The following MGAT4C variants were observed in gnomAD, a reference collection of about 807,000 sequenced individuals.
The protein encoded by MGAT4C is MGAT4 family member C.
MGAT4C carries 19 observed loss-of-function variants against 40.1 expected under a neutral mutation model. That is an observed-to-expected ratio of 0.47 (90% CI 0.33 to 0.70). The LOEUF (loss-of-function observed/expected upper bound fraction) is 0.70. Ranked by LOEUF, MGAT4C falls within the 30% of genes least tolerant of loss-of-function variation. The probability of loss-of-function intolerance (pLI) is 0.02; values close to 1 mark genes in which losing one functional copy is unlikely to be tolerated. For missense variants in MGAT4C, 491 were observed against 563.2 expected, an observed-to-expected ratio of 0.87 and a Z score of 1.30; for synonymous variants, 181 against 187.1, an observed-to-expected ratio of 0.97 and a Z score of 0.27.
At chr12:86,400,623 G>C (rs1022613840) in intron 3 of MGAT4C, among the ~76,000 whole-genome samples, 5 of 152,140 alleles carry the variant, frequency 3.3e-5, no homozygotes, top group Non-Finnish European at 7.4e-5. Flanking sequence ...ATATAAACTT[G>C]AATGTAAACA....
At chr12:86,200,826 G>T (rs61948994) in intron 1 of MGAT4C, among the ~76,000 whole-genome samples, 12,671 of 152,180 alleles carry the variant, frequency 0.083, 630 homozygotes, top group Middle Eastern at 0.22. Context: ...GTTAAATCAG[G>T]TCATGAAAGT....
chr12:86,072,394 T>G (rs1406197443), intron 1 of MGAT4C, among the ~76,000 whole-genome samples: 1 of 151,664 alleles, frequency 6.6e-6, no homozygotes, highest in African/African-American at 2.4e-5. Context: ...TTTATTGTCA[T>G]CCACATGAAA....
At chr12:86,446,657 T>TCATATA (rs1957340510) in intron 2 of MGAT4C, among the ~76,000 whole-genome samples, 1 of 66,496 alleles carries the variant, frequency 1.5e-5, no homozygotes, top group Non-Finnish European at 3.2e-5. Context: ...ATCATGTAAC[T>TCATATA]CATATATATA....
chr12:86,731,471 T>C (rs186126248), intron 1 of MGAT4C, among the ~76,000 whole-genome samples: 2 of 152,258 alleles, frequency 1.3e-5, no homozygotes, highest in African/African-American at 2.4e-5. Context: ...AGCCATTCTC[T>C]TGAGTCTTTT....
At chr12:86,214,262 C>T (rs535932335) in intron 1 of MGAT4C, among the ~76,000 whole-genome samples, 20 of 152,272 alleles carry the variant, frequency 1.3e-4, no homozygotes. Context: ...GTGGGTCATT[C>T]TCTGCTCAGA....
intron 2 of MGAT4C, among the ~76,000 whole-genome samples, chr12:86,511,723 C>A (rs568624641): frequency 6.6e-6 from 1 of 152,168 alleles, no homozygotes; most frequent in Non-Finnish European, 1.5e-5. Flanking sequence ...GGAATTGTTT[C>A]TTGCACCGCA....
At chr12:86,543,532 G>A (rs1959178498) in intron 2 of MGAT4C, among the ~76,000 whole-genome samples, 1 of 151,898 alleles carries the variant, frequency 6.6e-6, no homozygotes, top group African/African-American at 2.4e-5. Flanking sequence ...TATCTACTAT[G>A]TTCCAGGTAT....
At chr12:86,206,561 TTTTC>T (rs1276753599) in intron 1 of MGAT4C, among the ~76,000 whole-genome samples, 1 of 152,112 alleles carries the variant, frequency 6.6e-6, no homozygotes, top group East Asian at 1.9e-4. Context: ...TTCCTTTCAC[TTTTC>T]TGTCTGTCAC....
intron 1 of MGAT4C, among the ~76,000 whole-genome samples, chr12:86,117,671 T>C (rs780286008): frequency 2.0e-5 from 3 of 152,188 alleles, no homozygotes; most frequent in Non-Finnish European, 2.9e-5. Context: ...AATGAGGCTA[T>C]TGGCATCATT....
intron 2 of MGAT4C, among the ~76,000 whole-genome samples, chr12:86,578,281 G>A (rs1014112411): frequency 6.6e-6 from 1 of 151,828 alleles, no homozygotes; most frequent in Admixed American, 6.6e-5. Context: ...GACATGTGGT[G>A]ACATCAGAAA....
chr12:86,014,761 A>C (rs2136835227), intron 2 of MGAT4C, among the ~76,000 whole-genome samples: 1 of 152,172 alleles, frequency 6.6e-6, no homozygotes, highest in Admixed American at 6.5e-5. Context: ...TCTGCATTTT[A>C]TGAAAAAAAT....
intron 2 of MGAT4C, among the ~76,000 whole-genome samples, chr12:86,494,879 A>G (rs1280790763): frequency 6.6e-6 from 1 of 152,096 alleles, no homozygotes; most frequent in Admixed American, 6.6e-5. Flanking sequence ...GGAAATTTAA[A>G]CAGAAATAGT....
At chr12:86,581,728 TAA>T (rs56363020) in intron 2 of MGAT4C, among the ~76,000 whole-genome samples, 128,630 of 151,210 alleles carry the variant, frequency 0.85, 55,251 homozygotes, top group South Asian at 0.96. Context: ...ATTTCTGGGA[TAA>T]GTTTTCTTGG....
intron 1 of MGAT4C, among the ~76,000 whole-genome samples, chr12:86,205,346 T>A (rs976877347): frequency 2.0e-5 from 3 of 151,640 alleles, no homozygotes; most frequent in Admixed American, 6.6e-5. Flanking sequence ...TTAAATTATT[T>A]ATTTTTTCAG....
At chr12:86,358,687 A>T in intron 3 of MGAT4C, among the ~76,000 whole-genome samples, 1 of 152,236 alleles carries the variant, frequency 6.6e-6, no homozygotes, top group Non-Finnish European at 1.5e-5. Flanking sequence ...CTAGTCTCTG[A>T]TGAAACAGAC....
Position 85,960,542 on chromosome 12 carries a change from C to T in MGAT4C, c.*18747G>A, listed in dbSNP as rs1022084183. 1 of 151,844 alleles carries T rather than the reference C, an allele frequency of 6.6e-6. No homozygotes were observed. The highest frequency in any genetic ancestry group is 1.5e-5 in the Non-Finnish European group (1 of 67,844). The allele number at this position is 151,844 out of a possible 1,614,324, so 9.4% of individuals were successfully genotyped here. A position where few individuals can be genotyped will look rare whatever the true frequency, so the allele number is the denominator to read the frequency against. On this transcript the variant is annotated 3_prime_UTR_variant, in exon 5 of 5. Coordinates refer to ENST00000611864, the MANE Select transcript of MGAT4C (RefSeq NM_001351288.2). ...AATTAATCCTTCATTCTTTTTTTCT[C>T]CCCTTACTCCTTTGATTTTCAGACT...
chr12:86,164,539 T>G (rs1281662698), intron 1 of MGAT4C, among the ~76,000 whole-genome samples: 1 of 152,138 alleles, frequency 6.6e-6, no homozygotes, highest in Non-Finnish European at 1.5e-5. Flanking sequence ...AGTCACTAAA[T>G]AGTCAAACTA....
intron 2 of MGAT4C, among the ~76,000 whole-genome samples, chr12:86,515,738 C>A (rs932255671): frequency 3.7e-5 from 5 of 133,466 alleles, no homozygotes; most frequent in African/African-American, 1.4e-4. Flanking sequence ...TAAAGCAATT[C>A]TTTTTTTTTT....
rs1950261919 is a variant in MGAT4C at position 86,696,510 on chromosome 12, G to A, written c.-229+30699C>T. Among the ~76,000 whole-genome samples the A allele has an allele frequency of 4.6e-5, 7 of 152,172 alleles. No homozygotes were observed. In the South Asian group the frequency reaches 1.5e-3, roughly 32 times the overall value. ...TTAAGCAAAGGCCTTTGAGAAATAT[G>A]ATTCTGTTGGCAAGTCCATCCGTTT... is the stretch of plus-strand genomic sequence containing the variant. On this transcript the variant is annotated intron_variant, in intron 2 of 7. Transcript: ENST00000548651.
Sources: allele counts gnomAD v4.1 joint callset (sites outside exome capture counted in the v4.1 genomes callset), GRCh38; gene constraint gnomAD v4.1.1; transcripts MANE v1.5; gene names NCBI Gene and HGNC (gene_info 2026-07-23, HGNC 2026-07-21).